Variants in ZNRF2 observed in about 807,000 individuals in gnomAD.
ZNRF2 encodes the protein zinc and ring finger 2.
In ZNRF2, 16 loss-of-function variants were observed where a neutral mutation model predicts 20.4. The ratio of observed to expected loss-of-function variants is 0.79; its 90% CI spans 0.53 to 1.19. The LOEUF is 1.19. ZNRF2 is among the 50% of genes most tolerant of loss of function. ZNRF2 has a pLI of 0.00. For synonymous variants in ZNRF2, 178 were observed against 144.9 expected (o/e 1.23, Z -1.64); for missense variants, 363 against 332.4 (o/e 1.09, Z -0.72).
At chr7:30,357,887 A>C (rs1367522877) in intron 3 of ZNRF2, among the ~76,000 whole-genome samples, 4 of 152,156 alleles carry the variant, frequency 2.6e-5, no homozygotes, top group Non-Finnish European at 5.9e-5. Flanking sequence ...TAAGGACAGT[A>C]CAGGAAAGAA....
In ZNRF2 at chr7:30,323,871, G is replaced by A. The variant is rs1429616807; in HGVS notation, c.565+134G>A. 1.7e-5 allele frequency: 9 copies of A among 528,666 alleles called. No individual in the cohort carries two copies. The South Asian group carries it at 2.2e-4, about 13-fold the overall frequency. The allele number at this position is 528,666 out of a possible 1,614,324, so 32.7% of individuals were successfully genotyped here. A position where few individuals can be genotyped will look rare whatever the true frequency, so the allele number is the denominator to read the frequency against. ...TTTTTACTAGTGCATTAATGCAGTG[G>A]TTCTCAAATTCTGTGATCTCAAGAC... is the stretch of plus-strand genomic sequence containing the variant. On this transcript the variant is annotated intron_variant, in intron 2 of 4. Transcript: ENST00000323037.
intron 4 of ZNRF2, among the ~76,000 whole-genome samples, chr7:30,365,045 A>G (rs1028742951): frequency 2.0e-5 from 3 of 151,644 alleles, no homozygotes; most frequent in Non-Finnish European, 4.4e-5. Context: ...TCACCTAATC[A>G]TGTCCCAAAG....
At chr7:30,295,050 A>AGTGTGTGTGTGT (rs71536219) in intron 1 of ZNRF2, among the ~76,000 whole-genome samples, 23 of 38,280 alleles carry the variant, frequency 6.0e-4, no homozygotes, top group Non-Finnish European at 9.6e-4. Context: ...AGAGAGAGAG[A>AGTGTGTGTGTGT]GTGTGTGTGT....
intron 3 of ZNRF2, among the ~76,000 whole-genome samples, 188 bp from the exon 4 acceptor site, chr7:30,362,189 T>C (rs528256348): frequency 6.6e-6 from 1 of 152,330 alleles, no homozygotes; most frequent in South Asian, 2.1e-4. Flanking sequence ...CAAAGGTTTT[T>C]TTCTTAATCG....
intron 1 of ZNRF2, among the ~76,000 whole-genome samples, chr7:30,287,363 T>A (rs1273541050): frequency 2.0e-5 from 3 of 152,256 alleles, no homozygotes; most frequent in Non-Finnish European, 4.4e-5. Flanking sequence ...TAGCAATTAT[T>A]AGAAGATGAA....
rs751982415 is a variant in ZNRF2, at chr7:30,364,071, TTTTA to T, written c.*22+1619_*22+1622del. On this transcript the variant is annotated intron_variant, in intron 4 of 4. Coordinates refer to ENST00000323037, the MANE Select transcript of ZNRF2 (RefSeq NM_147128.4). ...TCTAGTCCTGTGTGGTACCATTTCC[TTTTA>T]TTTCAATAACTTCTCTTAAATTTGA... Among the ~76,000 whole-genome samples the T allele has an allele frequency of 1.1e-3, 162 of 152,328 alleles. 2 individuals carry two copies. Among genetic ancestry groups the T allele is most frequent in the Non-Finnish European group, 1.8e-3 (122 of 68,026 alleles).
chr7:30,327,574 G>A (rs1024710168), intron 2 of ZNRF2, among the ~76,000 whole-genome samples: 15 of 151,776 alleles, frequency 9.9e-5, no homozygotes, highest in African/African-American at 3.2e-4. Context: ...CAAATATTTC[G>A]AATTTTAAAT....
rs1330913241 is a variant in ZNRF2 at position 30,285,742 on chromosome 7, G to C, written c.385G>C (p.Asp129His). 7 of 1,478,200 alleles carry C rather than the reference G, an allele frequency of 4.7e-6. No individual in the cohort carries two copies. Among genetic ancestry groups the C allele is most frequent in the Middle Eastern group, 2.3e-4 (1 of 4,338 alleles). 91.6% of individuals were successfully genotyped at this position (1,478,200 alleles called of 1,614,324 possible). ...SSPEDGGGGR[D>H]RPVGGSPGGP... ...CCCTGAGGACGGCGGCGGCGGCCGGGACCGGCCGGTGGGCGGGAGCCCCGG... is the reference window on the plus strand; with the variant it reads ...CCCTGAGGACGGCGGCGGCGGCCGGCACCGGCCGGTGGGCGGGAGCCCCGG... Residue 129 changes from aspartate (D) to histidine (H), a missense_variant, in exon 1 of 5, where the codon GAC (aspartate) becomes CAC (histidine). Asp to His is a moderately conservative substitution (Grantham distance 81). Transcript: ENST00000323037.
chr7:30,304,248 A>T (rs944172322), intron 1 of ZNRF2, among the ~76,000 whole-genome samples: 1 of 152,118 alleles, frequency 6.6e-6, no homozygotes, highest in African/African-American at 2.4e-5. Flanking sequence ...ATTAAAAAAA[A>T]TGCTGGATTT....
At chr7:30,333,454 C>T (rs540271197) in intron 2 of ZNRF2, among the ~76,000 whole-genome samples, 2 of 151,906 alleles carry the variant, frequency 1.3e-5, no homozygotes, top group African/African-American at 4.8e-5. Flanking sequence ...ACTGCAACCT[C>T]CGCATCCCAG....
chr7:30,288,393 A>G (rs778202275), intron 1 of ZNRF2, among the ~76,000 whole-genome samples: 2 of 152,230 alleles, frequency 1.3e-5, no homozygotes, highest in Non-Finnish European at 2.9e-5. Flanking sequence ...TGTGGTACTA[A>G]TAAGATTCAA....
chr7:30,339,799 AGAAAGTCATTG>A (rs1335355223), intron 2 of ZNRF2, among the ~76,000 whole-genome samples: 1 of 152,206 alleles, frequency 6.6e-6, no homozygotes, highest in Non-Finnish European at 1.5e-5. Flanking sequence ...AATTCTGTGA[AGAAAGTCATTG>A]GTAGCTTAAT....
In ZNRF2 at chr7:30,323,729, C is replaced by T. The variant is rs1350517194; in HGVS notation, c.557C>T (p.Thr186Ile). 2.5e-6 allele frequency: 4 copies of T among 1,572,698 alleles called. No individual in the cohort carries two copies. Residue 186 changes from threonine to isoleucine, a missense_variant, in exon 2 of 5, where the codon ACC (threonine) becomes ATC (isoleucine). Coordinates refer to ENST00000323037, the MANE Select transcript of ZNRF2 (RefSeq NM_147128.4). ...ATGTGTTTAACAAAGCCACGAATAA[C>T]CTATAATGGTAAGTCCAATGGTTTA... The part of the protein sequence containing the change: ...LVMCLTKPRI[T>I]YNEDVLSKDA...
At chr7:30,304,984 CAAAG>C in intron 1 of ZNRF2, among the ~76,000 whole-genome samples, 1 of 152,026 alleles carries the variant, frequency 6.6e-6, no homozygotes, top group East Asian at 1.9e-4. Context: ...ATATTTAAAA[CAAAG>C]GAAATACTCA....
chr7:30,299,677 T>C (rs904159994), intron 1 of ZNRF2, among the ~76,000 whole-genome samples: 5 of 152,206 alleles, frequency 3.3e-5, no homozygotes, highest in African/African-American at 4.8e-5. Flanking sequence ...TTACATACTT[T>C]TAAGTACATA....
intron 2 of ZNRF2, among the ~76,000 whole-genome samples, chr7:30,324,812 T>A (rs1799527476): frequency 6.6e-6 from 1 of 152,184 alleles, no homozygotes; most frequent in Non-Finnish European, 1.5e-5. Flanking sequence ...ACTTTTTTCT[T>A]TTTGTTTAAG....
intron 1 of ZNRF2, among the ~76,000 whole-genome samples, chr7:30,286,708 C>T (rs1031006808): frequency 6.6e-6 from 1 of 152,172 alleles, no homozygotes; most frequent in Non-Finnish European, 1.5e-5. Context: ...TTGCAAAACG[C>T]TAATAGTAAA....
At chr7:30,356,471 C>T (rs1562621987) in intron 3 of ZNRF2, among the ~76,000 whole-genome samples, 1 of 152,032 alleles carries the variant, frequency 6.6e-6, no homozygotes, top group Non-Finnish European at 1.5e-5. Context: ...AACAAACCCA[C>T]TGGTTGAAAA....
At chr7:30,303,949 A>G (rs1583571537) in intron 1 of ZNRF2, among the ~76,000 whole-genome samples, 1 of 152,318 alleles carries the variant, frequency 6.6e-6, no homozygotes, top group Non-Finnish European at 1.5e-5. Context: ...TTGTGGTTCC[A>G]GATTCTCATT....
Sources: allele counts gnomAD v4.1 joint callset (sites outside exome capture counted in the v4.1 genomes callset), GRCh38; gene constraint gnomAD v4.1.1; transcripts MANE v1.5; gene names NCBI Gene and HGNC (gene_info 2026-07-23, HGNC 2026-07-21).